ZNF534: variants seen among roughly 807,000 people sequenced by gnomAD.
ZNF534 encodes the protein zinc finger protein 534.
ZNF534 carries 19 observed loss-of-function variants against 13.6 expected under a neutral mutation model. The observed-to-expected ratio is 1.40, with a 90% CI of 0.97 to 2.05. The LOEUF (loss-of-function observed/expected upper bound fraction) is 2.05, where lower values mean the gene tolerates loss of function less well. Ranked by LOEUF, ZNF534 falls within the 30% of genes most tolerant of loss-of-function variation. ZNF534 has a pLI of 0.00. For missense variants in ZNF534, 782 were observed against 796.3 expected (o/e 0.98, Z 0.22); for synonymous variants, 244 against 273.8 (o/e 0.89, Z 1.07).
At chr19:52,434,308 C>T (rs1018001384) in intron 3 of ZNF534, among the ~76,000 whole-genome samples, 4 of 151,504 alleles carry the variant, frequency 2.6e-5, no homozygotes, top group Non-Finnish European at 5.9e-5. Context: ...ACGGTGAAAC[C>T]CCATCTCTAC....
chr19:52,438,101 A>C lies in ZNF534; in HGVS notation c.641A>C (p.Tyr214Ser). The change falls in exon 5 of 5, where the codon TAC becomes TCC. Residue 214 changes from tyrosine (Y) to serine (S), a missense_variant. Tyr to Ser is a moderately radical substitution (Grantham distance 144). Coordinates refer to ENST00000433050, the MANE Select transcript of ZNF534 (RefSeq NM_001143938.3). ...RQVIHIADKT[Y>S]KCSDCGEIFS... The stretch of plus-strand genomic sequence containing the variant: ...GTAATCCACATTGCAGATAAAACTT[A>C]CAAATGTAGTGACTGTGGCGAGATC... 6.2e-7 allele frequency: 1 copy of C among 1,614,162 alleles called. No homozygotes were observed. The highest frequency in any genetic ancestry group is 1.3e-5 in the African/African-American group (1 of 75,062).
intron 4 of ZNF534, among the ~76,000 whole-genome samples, chr19:52,450,708 T>TTTTTG (rs2059211411): frequency 8.0e-6 from 1 of 125,478 alleles, no homozygotes; most frequent in Non-Finnish European, 1.7e-5. Flanking sequence ...TTTTTTTTTT[T>TTTTTG]TAGACAAGGT....
chr19:52,447,334 T>C (rs1198186074), downstream of ZNF534, among the ~76,000 whole-genome samples: 1 of 152,234 alleles, frequency 6.6e-6, no homozygotes, highest in Non-Finnish European at 1.5e-5. Context: ...TACTATTTTA[T>C]CCTCCTTTCT....
chr19:52,432,050 C>T (rs2059091019), intron 2 of ZNF534, among the ~76,000 whole-genome samples: 1 of 151,360 alleles, frequency 6.6e-6, no homozygotes, highest in Admixed American at 6.6e-5. Context: ...AATAGCATGT[C>T]ATCATTATAT....
chr19:52,433,739 T>C, intron 2 of ZNF534: 4 of 613,062 alleles, frequency 6.5e-6, no homozygotes, highest in South Asian at 4.6e-5. Flanking sequence ...ATCCACAAAA[T>C]GAGACATCTA....
rs1371010976 is a variant in ZNF534 at position 52,442,028 on chromosome 19, T to C, written c.*2582T>C. Among the ~76,000 whole-genome samples the C allele has an allele frequency of 7.1e-6, 1 of 139,918 alleles. No homozygotes were observed. The allele number at this position is 139,918 out of a possible 152,430, so 91.8% of individuals were successfully genotyped here. ...ATGTGGCACAGGCTTTCCTGAGGCC[T>C]GCCAAATCACTAGAAATCAAAATAT... On this transcript the variant is annotated 3_prime_UTR_variant, in exon 5 of 5. Coordinates refer to ENST00000433050, the MANE Select transcript of ZNF534 (RefSeq NM_001143938.3).
intron 2 of ZNF534, among the ~76,000 whole-genome samples, chr19:52,433,566 C>T (rs1287012902): frequency 6.6e-6 from 1 of 152,192 alleles, no homozygotes; most frequent in Non-Finnish European, 1.5e-5. Context: ...TGGGGTTTCA[C>T]CGTGTTGGCC....
intron 4 of ZNF534, among the ~76,000 whole-genome samples, chr19:52,449,952 C>T (rs927819716): frequency 7.2e-5 from 11 of 152,062 alleles, no homozygotes; most frequent in Non-Finnish European, 1.2e-4. Context: ...CCCGGGAAGG[C>T]AGACGTTGCA....
intron 4 of ZNF534, among the ~76,000 whole-genome samples, chr19:52,450,675 T>G (rs930355150): frequency 7.3e-4 from 26 of 35,714 alleles, no homozygotes; most frequent in Non-Finnish European, 2.0e-3. Context: ...TAGGAGTTTT[T>G]TTTTTTTTTG....
chr19:52,433,890 C>T, intron 2 of ZNF534, 65 bp from the exon 3 acceptor site: 1 of 1,595,216 alleles, frequency 6.3e-7, no homozygotes, highest in Non-Finnish European at 8.6e-7. Context: ...CAACTGTCTT[C>T]TCATTCTGTT....
At chr19:52,447,341 T>C (rs2059197993), downstream of ZNF534, among the ~76,000 whole-genome samples, 1 of 152,226 alleles carries the variant, frequency 6.6e-6, no homozygotes, top group Non-Finnish European at 1.5e-5. Context: ...TTATCCTCCT[T>C]TCTGGTCTCT....
downstream of ZNF534, among the ~76,000 whole-genome samples, chr19:52,444,351 A>G (rs1240855957): frequency 6.6e-6 from 1 of 152,070 alleles, no homozygotes; most frequent in East Asian, 1.9e-4. Flanking sequence ...TGTGATACGA[A>G]CTGTCTATGA....
rs2059162527 is a variant in ZNF534 at position 52,440,075 on chromosome 19, CAA to C, written c.*632_*633del. ...AGGAGCAAAACTCTTTCTTTAAAAA[CAA>C]AACAAAAAAAGTTATGAAGCCTCAC... On this transcript the variant is annotated 3_prime_UTR_variant, in exon 5 of 5. Transcript: ENST00000433050. Among the ~76,000 whole-genome samples the C allele has an allele frequency of 4.0e-5, 6 of 151,624 alleles. No individual in the cohort carries two copies. Among genetic ancestry groups the C allele is most frequent in the African/African-American group, 1.5e-4 (6 of 41,256 alleles).
At chr19:52,430,300 G>A (rs928315365) in intron 1 of ZNF534, among the ~76,000 whole-genome samples, 2 of 151,910 alleles carry the variant, frequency 1.3e-5, no homozygotes, top group African/African-American at 4.8e-5. Flanking sequence ...ACAGGCGTGA[G>A]CCACTGCGCC....
chr19:52,430,539 G>A (rs2059080145), intron 1 of ZNF534, among the ~76,000 whole-genome samples: 1 of 150,700 alleles, frequency 6.6e-6, no homozygotes, highest in South Asian at 2.1e-4. Flanking sequence ...TGGTCAGGGT[G>A]AGGTCTGTGC....
At position 52,438,333 on chromosome 19, in the gene ZNF534, T is replaced by C; in HGVS notation, c.873T>C (p.Ile291=). Residue 291 remains isoleucine, a synonymous_variant, in exon 5 of 5, where the codon ATT becomes ATC. Transcript: ENST00000433050. ...CCTACCTTGCACAGCATAGGAAAAT[T>C]CATACTGGAGAGAAGCCTTACAAAT... ...HHAYLAQHRK[I]HTGEKPYKCS... is the part of the protein sequence containing the mutation. 6.2e-7 allele frequency: 1 copy of C among 1,606,412 alleles called. No homozygotes were observed. The highest frequency in any genetic ancestry group is 8.5e-7 in the Non-Finnish European group (1 of 1,174,256).
Position 52,437,959 on chromosome 19 carries a change from T to A in ZNF534, c.499T>A (p.Phe167Ile). The A allele has an allele frequency of 6.2e-7, 1 of 1,613,612 alleles. No individual in the cohort carries two copies. The highest frequency in any genetic ancestry group is 1.3e-5 in the African/African-American group (1 of 74,982). ...TATTTTTAATAACTACAGAAATGAT[T>A]TTCTTTTTTCTACATTACTCCCACA... ...THIFNNYRND[F>I]LFSTLLPQEQ... The change falls in exon 5 of 5, where the codon TTT becomes ATT. Residue 167 changes from phenylalanine to isoleucine, a missense_variant. By Grantham distance (21) the Phe-to-Ile change is conservative. Coordinates refer to ENST00000433050, the MANE Select transcript of ZNF534 (RefSeq NM_001143938.3).
intron 4 of ZNF534, chr19:52,451,043 ATG>A (rs1449873686): frequency 2.1e-6 from 1 of 475,326 alleles, no homozygotes. Context: ...TTGAAAGAGA[ATG>A]TGTTGAATAT....
chr19:52,439,439 A>G lies in ZNF534; in HGVS notation c.1979A>G (p.Lys660Arg). The stretch of plus-strand genomic sequence containing the variant: ...CATTGCAGTATTCATACCAGAGAGA[A>G]GCCTTAAAAATTTAGTGAAGCTGGC... The part of the protein sequence containing the change: ...VQHCSIHTRE[K>R]P Residue 660 changes from lysine to arginine, a missense_variant, in exon 5 of 5, where the codon AAG becomes AGG. Coordinates refer to ENST00000433050, the MANE Select transcript of ZNF534 (RefSeq NM_001143938.3). 1 of 1,511,674 alleles carries G rather than the reference A, an allele frequency of 6.6e-7. No individual in the cohort carries two copies. Among genetic ancestry groups the G allele is most frequent in the African/African-American group, 1.4e-5 (1 of 71,690 alleles). The allele number at this position is 1,511,674 out of a possible 1,614,324, so 93.6% of individuals were successfully genotyped here. A position where few individuals can be genotyped will look rare whatever the true frequency, so the allele number is the denominator to read the frequency against.
Sources: gnomAD v4.1 joint callset for allele counts (sites outside exome capture counted in the v4.1 genomes callset) on GRCh38, gnomAD v4.1.1 for gene constraint, MANE v1.5 for transcripts, NCBI Gene and HGNC (gene_info 2026-07-23, HGNC 2026-07-21) for gene names.